GANAB: variants seen among roughly 807,000 people sequenced by gnomAD.
GANAB encodes the protein neutral alpha-glucosidase AB.
In GANAB, 35 loss-of-function variants were observed where a neutral mutation model predicts 129.9. That is an observed-to-expected ratio of 0.27 (90% CI 0.21 to 0.36). GANAB has a LOEUF of 0.36. GANAB is among the 10% of genes least tolerant of loss of function. GANAB has a pLI of 1.00. For missense variants in GANAB, 939 were observed against 1,221.0 expected (o/e 0.77, Z 3.44); for synonymous variants, 482 against 451.8 (o/e 1.07, Z -0.85).
Position 62,633,092 on chromosome 11 carries a change from G to T in GANAB, c.728C>A (p.Ser243Tyr). 6.2e-7 allele frequency: 1 copy of T among 1,611,498 alleles called. No individual in the cohort carries two copies. Among genetic ancestry groups the T allele is most frequent in the Non-Finnish European group, 8.5e-7 (1 of 1,177,680 alleles). ...TGGCAGAGAGAAGTCCAAACCCACAGACATGGGGCCTGGAAGAAAAACAAA... is the reference window on the plus strand; with the variant it reads ...TGGCAGAGAGAAGTCCAAACCCACATACATGGGGCCTGGAAGAAAAACAAA... ...HSDSKPYGPM[S>Y]VGLDFSLPGM... The change falls in exon 8 of 24, where the codon TCT becomes TAT. Residue 243 changes from serine (S) to tyrosine (Y), a missense_variant. Coordinates refer to ENST00000356638, the MANE Select transcript of GANAB (RefSeq NM_198334.3).
At chr11:62,629,741 G>C (rs1565094019) in intron 14 of GANAB, 57 bp from the exon 15 acceptor site, 3 of 1,603,892 alleles carry the variant, frequency 1.9e-6, no homozygotes, top group Admixed American at 1.7e-5. Flanking sequence ...GTCATCTGGT[G>C]CAAGTTCCCT....
rs1184118862 is a variant in GANAB, at chr11:62,627,838, T to TA, written c.2181-486dup. Among the ~76,000 whole-genome samples the TA allele has an allele frequency of 6.6e-5, 10 of 152,228 alleles. No individual in the cohort carries two copies. The East Asian group carries it at 7.7e-4, about 12-fold the overall frequency. On this transcript the variant is annotated intron_variant, in intron 17 of 23. Coordinates refer to ENST00000356638, the MANE Select transcript of GANAB (RefSeq NM_198334.3). Reference sequence around the variant, plus strand: ...AGGTCTCAGTTATACAATCCAGTCTTAGACATTTAACTTCCTAAGCCATCT... The same window carrying TA: ...AGGTCTCAGTTATACAATCCAGTCTTAAGACATTTAACTTCCTAAGCCATCT...
intron 4 of GANAB, among the ~76,000 whole-genome samples, chr11:62,635,281 T>C (rs1435228719): frequency 6.6e-6 from 1 of 151,636 alleles, no homozygotes; most frequent in Non-Finnish European, 1.5e-5. Flanking sequence ...GTCTCCCAGG[T>C]TCAAGCAATT....
intron 9 of GANAB, among the ~76,000 whole-genome samples, chr11:62,631,715 C>G (rs1211371096): frequency 1.3e-5 from 2 of 152,058 alleles, no homozygotes; most frequent in African/African-American, 4.8e-5. Flanking sequence ...TCCACCTCGC[C>G]CTCCCAAAGT....
chr11:62,642,429 G>A (rs930107441), intron 1 of GANAB, among the ~76,000 whole-genome samples: 3 of 151,534 alleles, frequency 2.0e-5, no homozygotes, highest in African/African-American at 7.3e-5. Context: ...AGAAGCCTGG[G>A]CATCAGACTT....
At position 62,631,370 on chromosome 11, in the gene GANAB, C is replaced by T. The variant is rs75753589; in HGVS notation, c.997-187G>A. 9.6e-4 allele frequency among the ~76,000 whole-genome samples: 146 copies of T among 151,988 alleles called. No homozygotes were observed. In the East Asian group the frequency reaches 0.021, roughly 22 times the overall value. ...CCACACTATCTAAAGCAGTACAGCC[C>T]CCACCCCTACCCCACCAGTTTGGGG... is the stretch of plus-strand genomic sequence containing the variant. On this transcript the variant is annotated intron_variant, in intron 9 of 23. Transcript: ENST00000356638.
intron 4 of GANAB, among the ~76,000 whole-genome samples, chr11:62,635,586 G>A (rs1180833784): frequency 6.6e-6 from 1 of 151,018 alleles, no homozygotes; most frequent in African/African-American, 2.4e-5. Context: ...TTCCATATAG[G>A]AAAAAAAATG....
rs192967712 is a variant in GANAB, at chr11:62,629,267, G to A, written c.1863C>T (p.Ala621=). 17 of 1,613,008 alleles carry A rather than the reference G, an allele frequency of 1.1e-5. No homozygotes were observed. Among genetic ancestry groups the A allele is most frequent in the South Asian group, 6.6e-5 (6 of 91,046 alleles). Residue 621 remains alanine, a synonymous_variant, in exon 16 of 24, where the codon GCC becomes GCT. Transcript: ENST00000356638. ...FGAVWTGDNT[A]EWDHLKISIP... is the part of the protein sequence containing the mutation. ...TAGAGATCTTCAAATGGTCCCACTC[G>A]GCAGTGTTGTCCCCTGTCCACACGG...
intron 9 of GANAB, among the ~76,000 whole-genome samples, chr11:62,632,256 G>A (rs970013135): frequency 6.6e-6 from 1 of 152,076 alleles, no homozygotes; most frequent in Admixed American, 6.6e-5. Flanking sequence ...TTACAGGCAT[G>A]AGCCACCACA....
At chr11:62,640,679 C>A (rs1164995199) in intron 1 of GANAB, among the ~76,000 whole-genome samples, 2 of 150,298 alleles carry the variant, frequency 1.3e-5, no homozygotes, top group South Asian at 2.1e-4. Context: ...TAAAAATACA[C>A]AAAATTATCC....
At position 62,625,501 on chromosome 11, in the gene GANAB, G is replaced by A; in HGVS notation, c.*314C>T. 2.3e-6 allele frequency: 1 copy of A among 426,752 alleles called. No individual in the cohort carries two copies. Among genetic ancestry groups the A allele is most frequent in the South Asian group, 2.1e-5 (1 of 47,954 alleles). 26.4% of individuals were successfully genotyped at this position (426,752 alleles called of 1,614,324 possible). A position where few individuals can be genotyped will look rare whatever the true frequency, so the allele number is the denominator to read the frequency against. On this transcript the variant is annotated 3_prime_UTR_variant, in exon 24 of 24. Coordinates refer to ENST00000356638, the MANE Select transcript of GANAB (RefSeq NM_198334.3). ...GGGGGAGTTCAGGGCTCCTAAATAA[G>A]GGAAAGAGAAGGGGCGACAAGGGCC...
chr11:62,640,032 A>AGACCAGGCTGGCAAAG, intron 1 of GANAB: 1 of 279,790 alleles, frequency 3.6e-6, no homozygotes, highest in Non-Finnish European at 6.8e-6. Flanking sequence ...TCAGGAGATC[A>AGACCAGGCTGGCAAAG]AGACCATCCT....
intron 1 of GANAB, among the ~76,000 whole-genome samples, chr11:62,640,472 G>C (rs1163021565): frequency 7.2e-6 from 1 of 139,418 alleles, no homozygotes; most frequent in Non-Finnish European, 1.5e-5. Flanking sequence ...GGCAGAACTT[G>C]CAGTGAGTCA....
rs868322005 is a variant in GANAB at position 62,633,067 on chromosome 11, T to G, written c.753A>C (p.Pro251=). Residue 251 remains proline, a synonymous_variant, in exon 8 of 24, where the codon CCA becomes CCC. Coordinates refer to ENST00000356638, the MANE Select transcript of GANAB (RefSeq NM_198334.3). ...GGATCCCATAGACATGCTCCATGCC[T>G]GGCAGAGAGAAGTCCAAACCCACAG... ...PMSVGLDFSL[P]GMEHVYGIPE... 1.2e-6 allele frequency: 2 copies of G among 1,612,646 alleles called. No individual in the cohort carries two copies. Among genetic ancestry groups the G allele is most frequent in the Middle Eastern group, 1.7e-4 (1 of 6,056 alleles).
At chr11:62,630,556 T>C in intron 11 of GANAB, 45 bp downstream of exon 11, 1 of 1,613,526 alleles carries the variant, frequency 6.2e-7, no homozygotes, top group Non-Finnish European at 8.5e-7. Context: ...TAAACTATGC[T>C]TCAGCCCTAC....
intron 1 of GANAB, among the ~76,000 whole-genome samples, chr11:62,643,630 G>A (rs559932082): frequency 1.6e-4 from 24 of 152,158 alleles, no homozygotes; most frequent in Non-Finnish European, 2.8e-4. Context: ...GCGACACAGC[G>A]AAACACCACC....
chr11:62,625,538 T>A lies in GANAB; in HGVS notation c.*277A>T. ...GGGCGACAAGGGCCCTGTGGTTTCC[T>A]GGTGTTCGTAAGTGAATGTGCTCCA... is the stretch of plus-strand genomic sequence containing the variant. On this transcript the variant is annotated 3_prime_UTR_variant, in exon 24 of 24. Transcript: ENST00000356638. 1 of 487,256 alleles carries A rather than the reference T, an allele frequency of 2.1e-6. No homozygotes were observed. Among genetic ancestry groups the A allele is most frequent in the Non-Finnish European group, 3.8e-6 (1 of 265,680 alleles). 30.2% of individuals were successfully genotyped at this position (487,256 alleles called of 1,614,324 possible). A position where few individuals can be genotyped will look rare whatever the true frequency, so the allele number is the denominator to read the frequency against.
rs767470860 is a variant in GANAB, at chr11:62,629,561, G to C, written c.1834+27C>G. 4.7e-6 allele frequency: 7 copies of C among 1,490,174 alleles called. No homozygotes were observed. The Admixed American group carries it at 1.3e-4, about 29-fold the overall frequency. The allele number at this position is 1,490,174 out of a possible 1,614,324, so 92.3% of individuals were successfully genotyped here. ...TGAGATCTGGCCTTCACACCCTTCT[G>C]CCACAGCTCCATTCTCTAAACCTTA... On this transcript the variant is annotated intron_variant, in intron 15 of 23. Coordinates refer to ENST00000356638, the MANE Select transcript of GANAB (RefSeq NM_198334.3).
At position 62,630,085 on chromosome 11, in the gene GANAB, G is replaced by A. The variant is rs750292568; in HGVS notation, c.1593+112C>T. 145 of 1,289,238 alleles carry A rather than the reference G, an allele frequency of 1.1e-4. 1 individual carries two copies. Among genetic ancestry groups the A allele is most frequent in the Admixed American group, 2.7e-4 (14 of 52,762 alleles). The allele number at this position is 1,289,238 out of a possible 1,614,324, so 79.9% of individuals were successfully genotyped here. A position where few individuals can be genotyped will look rare whatever the true frequency, so the allele number is the denominator to read the frequency against. On this transcript the variant is annotated intron_variant, in intron 13 of 23. Coordinates refer to ENST00000356638, the MANE Select transcript of GANAB (RefSeq NM_198334.3). The stretch of plus-strand genomic sequence containing the variant: ...TCAGGGCCCTCCCCGGATCATCAAG[G>A]CCCCCTGATATGTTGCAGGCAATCA...
Sources: gnomAD v4.1 joint callset for allele counts (sites outside exome capture counted in the v4.1 genomes callset) on GRCh38, gnomAD v4.1.1 for gene constraint, MANE v1.5 for transcripts, NCBI Gene and HGNC (gene_info 2026-07-23, HGNC 2026-07-21) for gene names.